The following NEDD4 variants were observed in gnomAD, a reference collection of about 807,000 sequenced individuals.
NEDD4 encodes E3 ubiquitin-protein ligase NEDD4.
A neutral mutation model predicts 144.9 loss-of-function variants in NEDD4; 99 were observed. That is an observed-to-expected ratio of 0.68 (90% CI 0.58 to 0.81). NEDD4 has a LOEUF of 0.81. Among genes scored for constraint, NEDD4 ranks in the 30% least tolerant of loss-of-function variants. The probability of loss-of-function intolerance (pLI) is 0.00; values close to 1 mark genes in which losing one functional copy is unlikely to be tolerated. For synonymous variants in NEDD4, 318 were observed against 350.6 expected, an observed-to-expected ratio of 0.91 and a Z score of 1.04; for missense variants, 985 against 1,065.9, an observed-to-expected ratio of 0.92 and a Z score of 1.06.
intron 1 of NEDD4, among the ~76,000 whole-genome samples, chr15:55,992,596 CACTGTT>C (rs2038005706): frequency 6.6e-6 from 1 of 152,198 alleles, no homozygotes; most frequent in Admixed American, 6.5e-5. Context: ...CGGAACCAGT[CACTGTT>C]AGACTACATG....
At chr15:55,969,766 C>G (rs1006961979) in intron 1 of NEDD4, among the ~76,000 whole-genome samples, 1 of 152,048 alleles carries the variant, frequency 6.6e-6, no homozygotes, top group East Asian at 1.9e-4. Flanking sequence ...GGTAGCCAGG[C>G]AGCAGTTGCC....
intron 23 of NEDD4, 87 bp from the exon 24 acceptor site, chr15:55,837,936 C>G: frequency 9.0e-7 from 1 of 1,115,740 alleles, no homozygotes; most frequent in Non-Finnish European, 1.3e-6. Context: ...AAACTAAAGG[C>G]TAGCTGAGAC....
intron 2 of NEDD4, among the ~76,000 whole-genome samples, chr15:55,952,496 C>G (rs1201010335): frequency 6.6e-6 from 1 of 152,070 alleles, no homozygotes; most frequent in South Asian, 2.1e-4. Flanking sequence ...CTCGGGTATC[C>G]AAAGTACTCA....
At chr15:55,945,167 T>C (rs373543013) in intron 4 of NEDD4, among the ~76,000 whole-genome samples, 4 of 152,192 alleles carry the variant, frequency 2.6e-5, no homozygotes, top group South Asian at 4.2e-4. Context: ...ATGACTTTGA[T>C]GAGTTGACAG....
intron 5 of NEDD4, among the ~76,000 whole-genome samples, chr15:55,919,141 G>C (rs1170571739): frequency 1.3e-5 from 2 of 152,132 alleles, no homozygotes; most frequent in African/African-American, 4.8e-5. Flanking sequence ...TTTCCAGAGA[G>C]CATGGGCCAT....
At chr15:55,902,418 T>C (rs1008069459) in intron 5 of NEDD4, among the ~76,000 whole-genome samples, 7 of 152,180 alleles carry the variant, frequency 4.6e-5, no homozygotes, top group African/African-American at 1.7e-4. Context: ...GGTGGCTTTA[T>C]ATATGTAAAA....
At chr15:55,923,849 C>G (rs1457590895) in intron 5 of NEDD4, among the ~76,000 whole-genome samples, 1 of 151,196 alleles carries the variant, frequency 6.6e-6, no homozygotes, top group East Asian at 1.9e-4. Flanking sequence ...AAAAAAAAAG[C>G]TAGTTTCTCT....
chr15:55,875,695 G>C (rs1278055937), intron 5 of NEDD4, among the ~76,000 whole-genome samples: 1 of 152,090 alleles, frequency 6.6e-6, no homozygotes, highest in East Asian at 1.9e-4. Flanking sequence ...GACAATTGAA[G>C]ATGACTGGAG....
intron 1 of NEDD4, among the ~76,000 whole-genome samples, chr15:55,972,952 T>C (rs376367756): frequency 1.3e-5 from 2 of 152,340 alleles, no homozygotes; most frequent in South Asian, 4.1e-4. Flanking sequence ...TAAATACATA[T>C]GCATCCAACA....
At chr15:55,846,151 A>G (rs1285663061) in intron 18 of NEDD4, among the ~76,000 whole-genome samples, 1 of 152,210 alleles carries the variant, frequency 6.6e-6, no homozygotes, top group Non-Finnish European at 1.5e-5. Flanking sequence ...ATTAGGGCAT[A>G]AAATGTTTAC....
At chr15:55,949,115 A>G (rs2037181237) in intron 4 of NEDD4, among the ~76,000 whole-genome samples, 1 of 152,218 alleles carries the variant, frequency 6.6e-6, no homozygotes, top group Non-Finnish European at 1.5e-5. Context: ...CAAGAAAAAA[A>G]CAACCCCATC....
At chr15:55,879,232 G>C (rs1475503050) in intron 5 of NEDD4, among the ~76,000 whole-genome samples, 1 of 152,204 alleles carries the variant, frequency 6.6e-6, no homozygotes, top group African/African-American at 2.4e-5. Context: ...GTAGATGACA[G>C]CAGAGAGATA....
intron 4 of NEDD4, among the ~76,000 whole-genome samples, chr15:55,933,412 A>C (rs1411716385): frequency 6.6e-6 from 1 of 151,814 alleles, no homozygotes; most frequent in African/African-American, 2.4e-5. Flanking sequence ...CATCATTCTG[A>C]GCAAACTATC....
At chr15:55,959,796 C>G (rs551129903) in intron 2 of NEDD4, among the ~76,000 whole-genome samples, 1 of 152,184 alleles carries the variant, frequency 6.6e-6, no homozygotes, top group Non-Finnish European at 1.5e-5. Flanking sequence ...ATGCAAGGAA[C>G]TGAATGCCAC....
chr15:55,830,707 T>G, intron 27 of NEDD4, 121 bp from the exon 28 acceptor site: 1 of 752,112 alleles, frequency 1.3e-6, no homozygotes. Context: ...GGTTTATTTA[T>G]TTATATTTTA....
At chr15:55,855,928 CAG>C (rs1387033087) in intron 12 of NEDD4, among the ~76,000 whole-genome samples, 2 of 152,186 alleles carry the variant, frequency 1.3e-5, no homozygotes, top group East Asian at 3.9e-4. Flanking sequence ...CACCAGCATG[CAG>C]AGACTTTGCT....
chr15:55,936,325 A>G (rs2036888363), intron 4 of NEDD4, among the ~76,000 whole-genome samples: 2 of 152,136 alleles, frequency 1.3e-5, no homozygotes, highest in Admixed American at 1.3e-4. Flanking sequence ...ATTAACAATC[A>G]TAGCAAAGTG....
At chr15:55,924,472 CGAGTAGGACCAG>C in intron 5 of NEDD4, 162 bp downstream of exon 5, 1 of 574,586 alleles carries the variant, frequency 1.7e-6, no homozygotes, top group Non-Finnish European at 3.1e-6. Flanking sequence ...GGAAAGGGAG[CGAGTAGGACCAG>C]GAGGAAGAAA....
chr15:55,908,572 G>A (rs910405691), intron 5 of NEDD4, among the ~76,000 whole-genome samples: 5 of 152,152 alleles, frequency 3.3e-5, no homozygotes, highest in African/African-American at 1.2e-4. Flanking sequence ...GCATTGGTAC[G>A]ATCTGTTATA....
Sources: allele counts gnomAD v4.1 joint callset (sites outside exome capture counted in the v4.1 genomes callset), GRCh38; gene constraint gnomAD v4.1.1; transcripts MANE v1.5; gene names NCBI Gene and HGNC (gene_info 2026-07-23, HGNC 2026-07-21).